Variants in KCNH8 observed in about 807,000 individuals in gnomAD.
The protein encoded by KCNH8 is voltage-gated delayed rectifier potassium channel KCNH8.
KCNH8 carries 70 observed loss-of-function variants against 103.6 expected under a neutral mutation model. The ratio of observed to expected loss-of-function variants is 0.68; its 90% CI spans 0.56 to 0.82. KCNH8 has a LOEUF of 0.82. KCNH8 is among the 40% of genes least tolerant of loss of function. The probability of loss-of-function intolerance (pLI) is 0.00; values close to 1 mark genes in which losing one functional copy is unlikely to be tolerated. For synonymous variants in KCNH8, 498 were observed against 489.4 expected (o/e 1.02, Z -0.23); for missense variants, 1,217 against 1,329.9 (o/e 0.92, Z 1.32).
chr3:19,236,414 G>A (rs1343127732), intron 1 of KCNH8, among the ~76,000 whole-genome samples: 1 of 152,172 alleles, frequency 6.6e-6, no homozygotes, highest in Non-Finnish European at 1.5e-5. Context: ...TCTCCAGCCT[G>A]TTAATATGCT....
At chr3:19,348,101 G>A in intron 5 of KCNH8, 136 bp downstream of exon 5, 2 of 984,576 alleles carry the variant, frequency 2.0e-6, no homozygotes, top group East Asian at 2.5e-5. Flanking sequence ...TTTTGGAGAA[G>A]CACATACTGT....
intron 11 of KCNH8, among the ~76,000 whole-genome samples, chr3:19,502,031 T>G (rs939873117): frequency 2.0e-5 from 3 of 151,484 alleles, no homozygotes; most frequent in African/African-American, 7.3e-5. Flanking sequence ...CCCCATTGTC[T>G]CAGCCCAAAA....
chr3:19,493,899 T>C (rs959214230), intron 11 of KCNH8, among the ~76,000 whole-genome samples: 2 of 152,206 alleles, frequency 1.3e-5, no homozygotes, highest in African/African-American at 4.8e-5. Flanking sequence ...AGGTTTGCTA[T>C]ATGCATAAAC....
intron 11 of KCNH8, among the ~76,000 whole-genome samples, chr3:19,508,487 C>G (rs1278931638): frequency 6.6e-6 from 1 of 152,120 alleles, no homozygotes; most frequent in Non-Finnish European, 1.5e-5. Flanking sequence ...GTTTCCTCTT[C>G]TGCAGAATAG....
chr3:19,176,250 A>G (rs1901008), intron 1 of KCNH8, among the ~76,000 whole-genome samples: 9,802 of 152,204 alleles, frequency 0.064, 1,107 homozygotes, highest in African/African-American at 0.22. Flanking sequence ...CTTATTTGAA[A>G]GTAAGGAAGC....
chr3:19,507,616 A>C (rs974135571), intron 11 of KCNH8, among the ~76,000 whole-genome samples: 1 of 152,166 alleles, frequency 6.6e-6, no homozygotes, highest in Non-Finnish European at 1.5e-5. Flanking sequence ...AGCCACCTCC[A>C]ACTGACATGT....
At chr3:19,196,679 G>A (rs56386711) in intron 1 of KCNH8, among the ~76,000 whole-genome samples, 9 of 151,886 alleles carry the variant, frequency 5.9e-5, no homozygotes, top group Admixed American at 1.3e-4. Context: ...TTTCTCCGCC[G>A]TGGAAGAACC....
chr3:19,433,139 G>A (rs79869442), intron 7 of KCNH8, among the ~76,000 whole-genome samples: 9 of 152,012 alleles, frequency 5.9e-5, no homozygotes, highest in Non-Finnish European at 8.8e-5. Flanking sequence ...ACTTCCTATC[G>A]TACAAACTTT....
chr3:19,358,400 A>C (rs2065908617), intron 5 of KCNH8, among the ~76,000 whole-genome samples: 1 of 151,798 alleles, frequency 6.6e-6, no homozygotes. Context: ...TTCACAAAAA[A>C]TAAAACTATT....
chr3:19,320,676 G>A (rs1033336277), intron 3 of KCNH8, among the ~76,000 whole-genome samples: 4 of 151,806 alleles, frequency 2.6e-5, no homozygotes, highest in Non-Finnish European at 5.9e-5. Context: ...TTTGGTGTTA[G>A]GGTGATATTG....
intron 1 of KCNH8, among the ~76,000 whole-genome samples, chr3:19,239,287 G>T (rs1424116070): frequency 6.6e-6 from 1 of 151,956 alleles, no homozygotes; most frequent in African/African-American, 2.4e-5. Context: ...TCACCTCAAG[G>T]TCACAAGATA....
chr3:19,519,161 C>G (rs946911668), intron 15 of KCNH8, among the ~76,000 whole-genome samples: 1 of 151,908 alleles, frequency 6.6e-6, no homozygotes, highest in Non-Finnish European at 1.5e-5. Flanking sequence ...AAAAATTGCT[C>G]AGGCGAGAAT....
chr3:19,522,667 C>A (rs1277111600), intron 15 of KCNH8, among the ~76,000 whole-genome samples: 2 of 151,844 alleles, frequency 1.3e-5, no homozygotes, highest in Non-Finnish European at 2.9e-5. Context: ...TTTACTATCA[C>A]ATCCAACAAA....
intron 1 of KCNH8, among the ~76,000 whole-genome samples, chr3:19,222,824 A>T (rs2063890514): frequency 6.6e-6 from 1 of 152,216 alleles, no homozygotes; most frequent in African/African-American, 2.4e-5. Context: ...GATAAATGAA[A>T]GAAAGCCTCT....
At chr3:19,413,392 G>A (rs1226359705) in intron 7 of KCNH8, among the ~76,000 whole-genome samples, 2 of 151,986 alleles carry the variant, frequency 1.3e-5, no homozygotes, top group African/African-American at 4.8e-5. Context: ...GGGAGGGAAG[G>A]AGGGAGAAGG....
chr3:19,400,333 CTG>C (rs1173716467), intron 7 of KCNH8, among the ~76,000 whole-genome samples: 1 of 146,358 alleles, frequency 6.8e-6, no homozygotes, highest in Non-Finnish European at 1.5e-5. Flanking sequence ...TGTAACAAAT[CTG>C]TGTTCCTTAT....
chr3:19,390,443 T>G, intron 5 of KCNH8, 38 bp from the exon 6 acceptor site: 1 of 1,505,278 alleles, frequency 6.6e-7, no homozygotes, highest in Non-Finnish European at 9.2e-7. Flanking sequence ...CTTCTCTGTC[T>G]CTTCCTTTTA....
intron 11 of KCNH8, among the ~76,000 whole-genome samples, chr3:19,481,332 C>T (rs2068082818): frequency 6.6e-6 from 1 of 152,012 alleles, no homozygotes; most frequent in Admixed American, 6.6e-5. Context: ...CAATGAGCTC[C>T]ATTTCTCTCT....
At chr3:19,399,027 G>C (rs2066568533) in intron 7 of KCNH8, among the ~76,000 whole-genome samples, 1 of 151,902 alleles carries the variant, frequency 6.6e-6, no homozygotes, top group African/African-American at 2.4e-5. Context: ...GTTTACATAG[G>C]CTCACAATTG....
Sources: gnomAD v4.1 joint callset for allele counts (sites outside exome capture counted in the v4.1 genomes callset) on GRCh38, gnomAD v4.1.1 for gene constraint, MANE v1.5 for transcripts, NCBI Gene and HGNC (gene_info 2026-07-23, HGNC 2026-07-21) for gene names.